The following SRGAP2 variants were observed in gnomAD, a reference collection of about 807,000 sequenced individuals.
SRGAP2 encodes the protein SLIT-ROBO Rho GTPase-activating protein 2.
In SRGAP2, 15 loss-of-function variants were observed where a neutral mutation model predicts 57.2. The ratio of observed to expected loss-of-function variants is 0.26; its 90% CI spans 0.18 to 0.40. The LOEUF is 0.40. SRGAP2 is among the 10% of genes least tolerant of loss of function. SRGAP2 has a pLI of 1.00. For missense variants in SRGAP2, 520 were observed against 669.6 expected, an observed-to-expected ratio of 0.78 and a Z score of 2.47; for synonymous variants, 249 against 248.0, an observed-to-expected ratio of 1.00 and a Z score of -0.04.
intron 10 of SRGAP2, among the ~76,000 whole-genome samples, chr1:206,414,008 G>A (rs1428019498): frequency 2.0e-5 from 3 of 149,910 alleles, no homozygotes; most frequent in African/African-American, 7.4e-5. Context: ...ACTCACATTT[G>A]TTCACTTTTC....
intron 2 of SRGAP2, among the ~76,000 whole-genome samples, chr1:206,214,036 C>T (rs1553302872): frequency 6.8e-6 from 1 of 146,310 alleles, no homozygotes; most frequent in East Asian, 2.0e-4. Flanking sequence ...GCTAGAGGCT[C>T]CCACTGGAGA....
At chr1:206,369,151 AGTAATGGT>A (rs1654299126) in intron 4 of SRGAP2, among the ~76,000 whole-genome samples, 2 of 152,334 alleles carry the variant, frequency 1.3e-5, no homozygotes, top group Admixed American at 1.3e-4. Context: ...AGGAGATCCT[AGTAATGGT>A]GTTAACAGAT....
At chr1:206,424,646 ACT>A (rs1660633231) in intron 13 of SRGAP2, among the ~76,000 whole-genome samples, 1 of 152,078 alleles carries the variant, frequency 6.6e-6, no homozygotes, top group Non-Finnish European at 1.5e-5. Flanking sequence ...CAAGAGAGAG[ACT>A]CTGTCCCAAA....
chr1:206,460,086 CTG>C (rs1207020467), intron 22 of SRGAP2, among the ~76,000 whole-genome samples: 4 of 152,210 alleles, frequency 2.6e-5, no homozygotes, highest in Admixed American at 6.5e-5. Flanking sequence ...AACTGAATCA[CTG>C]TGAACAGAAA....
chr1:206,433,739 T>C (rs2103303628), intron 14 of SRGAP2, among the ~76,000 whole-genome samples: 1 of 152,086 alleles, frequency 6.6e-6, no homozygotes, highest in South Asian at 2.1e-4. Flanking sequence ...TACAAGTGAA[T>C]AACGTAACCA....
intron 7 of SRGAP2, among the ~76,000 whole-genome samples, chr1:206,395,862 A>AATTTCACAGG (rs1657532263): frequency 1.3e-5 from 2 of 151,232 alleles, no homozygotes; most frequent in South Asian, 4.2e-4. Context: ...CTAAGAGCCT[A>AATTTCACAGG]ATTTCACAGG....
At chr1:206,326,980 G>A (rs1340218912) in intron 3 of SRGAP2, among the ~76,000 whole-genome samples, 4 of 151,880 alleles carry the variant, frequency 2.6e-5, no homozygotes, top group Non-Finnish European at 5.9e-5. Flanking sequence ...GTGAACCATG[G>A]TCATGCCCCT....
chr1:206,263,304 GCTTA>G (rs2102631558), intron 2 of SRGAP2, among the ~76,000 whole-genome samples: 1 of 146,326 alleles, frequency 6.8e-6, no homozygotes, highest in Admixed American at 6.8e-5. Context: ...GGCTTCCAGT[GCTTA>G]CTCACATCTA....
At chr1:206,441,919 C>T (rs1572165157) in intron 17 of SRGAP2, among the ~76,000 whole-genome samples, 1 of 152,210 alleles carries the variant, frequency 6.6e-6, no homozygotes, top group African/African-American at 2.4e-5. Flanking sequence ...AAAAATGTTT[C>T]TCTGGATCCA....
rs782682884 is a variant in SRGAP2, at chr1:206,393,598, G to A, written c.756G>A (p.Glu252=). ...TGAAGGCCATCAAAGCCCGGAATGA[G>A]TACTTGCTGGCTTTGGAGGCAACCA... is the stretch of plus-strand genomic sequence containing the variant. ...NKLKAIKARN[E]YLLALEATNA... is the part of the protein sequence containing the mutation. The change falls in exon 7 of 23, where the codon GAG becomes GAA. Residue 252 remains glutamate, a synonymous_variant. Coordinates refer to ENST00000573034, the MANE Select transcript of SRGAP2 (RefSeq NM_015326.5). The A allele has an allele frequency of 5.2e-6, 4 of 773,446 alleles. No individual in the cohort carries two copies. The highest frequency in any genetic ancestry group is 9.6e-6 in the Non-Finnish European group (4 of 415,154). The allele number at this position is 773,446 out of a possible 1,614,324, so 47.9% of individuals were successfully genotyped here.
At chr1:206,435,060 A>T (rs1389760888) in intron 14 of SRGAP2, among the ~76,000 whole-genome samples, 1 of 152,240 alleles carries the variant, frequency 6.6e-6, no homozygotes, top group East Asian at 1.9e-4. Flanking sequence ...TTACACTGGT[A>T]CTAATGAGGT....
intron 4 of SRGAP2, among the ~76,000 whole-genome samples, chr1:206,366,706 G>A (rs1654047259): frequency 6.7e-6 from 1 of 150,168 alleles, no homozygotes; most frequent in Admixed American, 6.6e-5. Flanking sequence ...GCTTCTCTGG[G>A]TATTAAGGGG....
chr1:206,414,029 C>CTTTTTTTT (rs201058533), intron 10 of SRGAP2, among the ~76,000 whole-genome samples: 25 of 145,146 alleles, frequency 1.7e-4, no homozygotes, highest in African/African-American at 4.2e-4. Context: ...TTTTCTTTTT[C>CTTTTTTTT]TTTCTTTTTT....
At chr1:206,301,918 A>G in intron 2 of SRGAP2, among the ~76,000 whole-genome samples, 2 of 149,444 alleles carry the variant, frequency 1.3e-5, no homozygotes, top group East Asian at 4.0e-4. Flanking sequence ...TTGCTTCAAG[A>G]ACATTTCAGC....
chr1:206,433,436 C>T (rs1413268135), intron 14 of SRGAP2, among the ~76,000 whole-genome samples: 1 of 152,012 alleles, frequency 6.6e-6, no homozygotes, highest in Non-Finnish European at 1.5e-5. Flanking sequence ...GCCAGGAGTT[C>T]AAGACCAGCC....
chr1:206,254,252 C>T (rs1464267060), intron 2 of SRGAP2, among the ~76,000 whole-genome samples: 5 of 117,930 alleles, frequency 4.2e-5, no homozygotes, highest in Middle Eastern at 4.0e-3. Flanking sequence ...CCTCCATGTA[C>T]CCAACACCCG....
At position 206,461,426 on chromosome 1, in the gene SRGAP2, A is replaced by G. The variant is rs782706078; in HGVS notation, c.*6A>G. 2.8e-5 allele frequency: 21 copies of G among 745,124 alleles called. No homozygotes were observed. The East Asian group carries it at 3.9e-4, about 14-fold the overall frequency. The allele number at this position is 745,124 out of a possible 1,614,324, so 46.2% of individuals were successfully genotyped here. A position where few individuals can be genotyped will look rare whatever the true frequency, so the allele number is the denominator to read the frequency against. ...ACAAGTCTTGTACTGTCTGAGGGAT[A>G]ATAATTTAATTGTTCTAGACAAGGG... is the stretch of plus-strand genomic sequence containing the variant. On this transcript the variant is annotated 3_prime_UTR_variant, in exon 23 of 23. Transcript: ENST00000573034.
At chr1:206,230,314 G>A (rs1359636028) in intron 2 of SRGAP2, among the ~76,000 whole-genome samples, 2 of 147,000 alleles carry the variant, frequency 1.4e-5, no homozygotes, top group African/African-American at 5.1e-5. Context: ...TTACGGAAAT[G>A]CCTCATGGAA....
intron 17 of SRGAP2, among the ~76,000 whole-genome samples, chr1:206,440,773 T>G (rs781978912): frequency 6.6e-6 from 1 of 152,182 alleles, no homozygotes; most frequent in Non-Finnish European, 1.5e-5. Flanking sequence ...TCACCATCTC[T>G]TGACCTCGTG....
Sources: gnomAD v4.1 joint callset for allele counts (sites outside exome capture counted in the v4.1 genomes callset) on GRCh38, gnomAD v4.1.1 for gene constraint, MANE v1.5 for transcripts, NCBI Gene and HGNC (gene_info 2026-07-23, HGNC 2026-07-21) for gene names.